The following QRICH2 variants were observed in gnomAD, a reference collection of about 807,000 sequenced individuals.
The protein encoded by QRICH2 is glutamine-rich protein 2.
In QRICH2, 119 loss-of-function variants were observed where a neutral mutation model predicts 168.3. That is an observed-to-expected ratio of 0.71 (90% CI 0.61 to 0.82). The LOEUF (loss-of-function observed/expected upper bound fraction) is 0.82, where lower values mean the gene tolerates loss of function less well. Ranked by LOEUF, QRICH2 falls within the 40% of genes least tolerant of loss-of-function variation. The probability of loss-of-function intolerance (pLI) is 0.00; values close to 1 mark genes in which losing one functional copy is unlikely to be tolerated. For missense variants in QRICH2, 2,241 were observed against 2,491.6 expected, an observed-to-expected ratio of 0.90 and a Z score of 2.14; for synonymous variants, 894 against 951.2, an observed-to-expected ratio of 0.94 and a Z score of 1.11.
intron 15 of QRICH2, 93 bp from the exon 16 acceptor site, chr17:76,277,403 G>T: frequency 1.4e-6 from 2 of 1,432,472 alleles, no homozygotes; most frequent in Non-Finnish European, 1.9e-6. Flanking sequence ...GAGGGAAGGG[G>T]CACAGCTTCT....
chr17:76,278,284 GCAGGACC>G (rs1220968280), intron 14 of QRICH2, 95 bp from the exon 15 acceptor site: 1 of 1,270,206 alleles, frequency 7.9e-7, no homozygotes, highest in Non-Finnish European at 1.1e-6. Flanking sequence ...TCCCTTTTGT[GCAGGACC>G]CAGCTAGGCT....
chr17:76,275,389 G>GC (rs1309560205), intron 18 of QRICH2, among the ~76,000 whole-genome samples: 2 of 152,152 alleles, frequency 1.3e-5, no homozygotes, highest in African/African-American at 2.4e-5. Flanking sequence ...CTCCTGCGGA[G>GC]ATCAAGGACC....
Position 76,307,686 on chromosome 17 carries a change from C to T in QRICH2, c.313G>A (p.Asp105Asn). 1 of 1,450,904 alleles carries T rather than the reference C, an allele frequency of 6.9e-7. No homozygotes were observed. The highest frequency in any genetic ancestry group is 9.1e-7 in the Non-Finnish European group (1 of 1,100,594). 89.9% of individuals were successfully genotyped at this position (1,450,904 alleles called of 1,614,324 possible). Residue 105 changes from aspartate (D) to asparagine (N), a missense_variant, in exon 1 of 19, where the codon GAC becomes AAC. By Grantham distance (23) the Asp-to-Asn change is conservative. Around this residue, in one of 3 missense-constraint regions of QRICH2, gnomAD observed 2,047 missense variants for 2,303.8 expected, o/e 0.89. Coordinates refer to ENST00000680821, the MANE Select transcript of QRICH2 (RefSeq NM_001388453.1). The surrounding 1 kb of genome is among the most constrained non-coding windows in gnomAD (Gnocchi z 5.3). ...PSSALESQVK[D>N]LGGQVEDLSK... ...AGGTCCTCCACCTGGCCGCCCAGGTCCTTCACTTGGCTCTCCAGCGCTGAC... is the reference window on the plus strand; with the variant it reads ...AGGTCCTCCACCTGGCCGCCCAGGTTCTTCACTTGGCTCTCCAGCGCTGAC...
intron 1 of QRICH2, among the ~76,000 whole-genome samples, chr17:76,306,529 G>A (rs1483670425): frequency 6.6e-6 from 1 of 152,168 alleles, no homozygotes; most frequent in East Asian, 1.9e-4. Flanking sequence ...GTTGCTTCCT[G>A]CTGTTCACTG....
chr17:76,293,158 A>G lies in QRICH2; in HGVS notation c.1569T>C (p.His523=). 6.2e-7 allele frequency: 1 copy of G among 1,614,238 alleles called. No individual in the cohort carries two copies. The highest frequency in any genetic ancestry group is 8.5e-7 in the Non-Finnish European group (1 of 1,180,032). The change falls in exon 4 of 19, where the codon CAT becomes CAC. Residue 523 remains histidine, a synonymous_variant. Coordinates refer to ENST00000680821, the MANE Select transcript of QRICH2 (RefSeq NM_001388453.1). The part of the protein sequence containing the change: ...QGLTLPVVDQ[H]GLVLPFTDQH... ...GGTCTGTAAAAGGTAGAACCAGGCCATGTTGATCGACGACAGGCAATGTCA... is the reference window on the plus strand; with the variant it reads ...GGTCTGTAAAAGGTAGAACCAGGCCGTGTTGATCGACGACAGGCAATGTCA...
intron 15 of QRICH2, among the ~76,000 whole-genome samples, chr17:76,277,679 C>T (rs549182591): frequency 4.5e-4 from 68 of 152,034 alleles, no homozygotes; most frequent in African/African-American, 1.6e-3. Context: ...CACACGTACT[C>T]ATACACACGT....
In QRICH2 at chr17:76,304,896, G is replaced by C. The variant is rs774220097; in HGVS notation, c.580C>G (p.Arg194Gly). 12 of 1,612,810 alleles carry C rather than the reference G, an allele frequency of 7.4e-6. No homozygotes were observed. In the Admixed American group the frequency reaches 1.5e-4, roughly 20 times the overall value. Reference protein sequence around the residue: ...VDELEKLFKDREQFLELVSRK... With the variant: ...VDELEKLFKDGEQFLELVSRK... ...GCTGGTATTACCAGGAATTGCTCCC[G>C]ATCTTTGAATAGCTTCTCTAGTTCA... Residue 194 changes from arginine (R) to glycine (G), a missense_variant, in exon 2 of 19, where the codon CGG becomes GGG. Physicochemically the swap from Arg to Gly is moderately radical, Grantham distance 125. This residue lies in a region of QRICH2 where 2,047 missense variants were observed against 2,303.8 expected (regional missense o/e 0.89). Coordinates refer to ENST00000680821, the MANE Select transcript of QRICH2 (RefSeq NM_001388453.1).
Position 76,275,854 on chromosome 17 carries a change from G to A in QRICH2, c.5447C>T (p.Pro1816Leu). ...LSSNGQLPSR[P>L]QSAQISAGNT... ...GCCAGCCGAAATCTGGGCGCTCTGT[G>A]GCCGAGAGGGCAGCTGGCCATTGCT... Residue 1816 changes from proline (P) to leucine (L), a missense_variant, in exon 18 of 19, where the codon CCA becomes CTA. This residue lies in a region of QRICH2 where 189 missense variants were observed against 169.3 expected (regional missense o/e 1.12). Transcript: ENST00000680821. 1 of 1,607,736 alleles carries A rather than the reference G, an allele frequency of 6.2e-7. No individual in the cohort carries two copies. The highest frequency in any genetic ancestry group is 8.5e-7 in the Non-Finnish European group (1 of 1,179,910).
Position 76,292,071 on chromosome 17 carries a change from T to C in QRICH2, c.2656A>G (p.Met886Val), listed in dbSNP as rs768074423. The change falls in exon 4 of 19, where the codon ATG (methionine) becomes GTG (valine). Residue 886 changes from methionine to valine, a missense_variant. By Grantham distance (21) the Met-to-Val change is conservative. Around this residue, in one of 3 missense-constraint regions of QRICH2, gnomAD observed 2,047 missense variants for 2,303.8 expected, o/e 0.89. Coordinates refer to ENST00000680821, the MANE Select transcript of QRICH2 (RefSeq NM_001388453.1). The part of the protein sequence containing the change: ...VDQRGLVQPG[M>V]DQRGLIQPGA... ...GGTTGGATCAAACCACGCTGGTCCA[T>C]TCCAGGTTGGACCAAACCACGCTGA... The C allele has an allele frequency of 1.9e-5, 31 of 1,605,510 alleles. No individual in the cohort carries two copies. Among genetic ancestry groups the C allele is most frequent in the African/African-American group, 8.4e-5 (6 of 71,854 alleles).
Position 76,279,949 on chromosome 17 carries a change from CT to C in QRICH2, c.4748+83del. 8 of 1,464,856 alleles carry C rather than the reference CT, an allele frequency of 5.5e-6. No individual in the cohort carries two copies. The South Asian group carries it at 9.3e-5, about 17-fold the overall frequency. The allele number at this position is 1,464,856 out of a possible 1,614,324, so 90.7% of individuals were successfully genotyped here. Reference sequence around the variant, plus strand: ...AGGATCCGCTGTGTGCTGGCAGGAGCTGTTTGTCTGGAGACCCCCAGCCCCC... The same window carrying C: ...AGGATCCGCTGTGTGCTGGCAGGAGCGTTTGTCTGGAGACCCCCAGCCCCC... On this transcript the variant is annotated intron_variant, in intron 12 of 18. Transcript: ENST00000680821.
rs149958304 is a variant in QRICH2 at position 76,277,203 on chromosome 17, C to T, written c.5225G>A (p.Arg1742Gln). The T allele has an allele frequency of 9.2e-5, 147 of 1,602,794 alleles. No homozygotes were observed. In the Admixed American group the frequency reaches 1.1e-3, roughly 12 times the overall value. The part of the protein sequence containing the change: ...YHRSRPQHLP[R>Q]GLYPTEEIQI... ...GATCTCTTCAGTAGGATACAGGCCC[C>T]GGGGAAGGTGCTGCGGGCGGCTGCG... is the stretch of plus-strand genomic sequence containing the variant. The change falls in exon 16 of 19, where the codon CGG (arginine) becomes CAG (glutamine). Residue 1742 changes from arginine to glutamine, a missense_variant. Physicochemically the swap from Arg to Gln is conservative, Grantham distance 43. Coordinates refer to ENST00000680821, the MANE Select transcript of QRICH2 (RefSeq NM_001388453.1).
intron 3 of QRICH2, 33 bp downstream of exon 3, chr17:76,304,382 C>G (rs750362462): frequency 6.8e-7 from 1 of 1,480,548 alleles, no homozygotes; most frequent in South Asian, 1.1e-5. Context: ...GGAGCCCCAC[C>G]CAAGACCACG....
At position 76,281,965 on chromosome 17, in the gene QRICH2, G is replaced by A; in HGVS notation, c.4162C>T (p.His1388Tyr). ...TCPACSLDVS[H>Y]QVSTLVRRYE... ...CGCCGCACCAGCGTGCTGACCTGAT[G>A]GCTCACATCCAGGCTGCAGGCTGGA... Residue 1388 changes from histidine (H) to tyrosine (Y), a missense_variant, in exon 8 of 19, where the codon CAT becomes TAT. His to Tyr is a moderately conservative substitution (Grantham distance 83). Around this residue, in one of 3 missense-constraint regions of QRICH2, gnomAD observed 2,047 missense variants for 2,303.8 expected, o/e 0.89. Coordinates refer to ENST00000680821, the MANE Select transcript of QRICH2 (RefSeq NM_001388453.1). The surrounding 1 kb of genome is among the most constrained non-coding windows in gnomAD (Gnocchi z 4.4). 1 of 1,613,842 alleles carries A rather than the reference G, an allele frequency of 6.2e-7. No homozygotes were observed. The highest frequency in any genetic ancestry group is 8.5e-7 in the Non-Finnish European group (1 of 1,179,960).
At chr17:76,276,033 GGGCTGCTGGTCAT>G (rs1379179760) in intron 17 of QRICH2, 86 bp from the exon 18 acceptor site, 1 of 1,522,124 alleles carries the variant, frequency 6.6e-7, no homozygotes, top group East Asian at 2.3e-5. Context: ...GAGGGCCGCA[GGGCTGCTGGTCAT>G]GGCCGGCCTC....
chr17:76,304,152 G>A (rs1308071893), intron 3 of QRICH2, among the ~76,000 whole-genome samples: 1 of 152,130 alleles, frequency 6.6e-6, no homozygotes, highest in Non-Finnish European at 1.5e-5. Context: ...TGATGGTGGG[G>A]GTCTACACTG....
upstream of QRICH2, chr17:76,310,691 A>G (rs2071061841): frequency 6.7e-6 from 1 of 150,238 alleles, no homozygotes; most frequent in Admixed American, 6.7e-5. Context: ...CTGGTCTGAA[A>G]CTCCTGGGCT....
rs780158707 is a variant in QRICH2, at chr17:76,278,077, T to A, written c.5029A>T (p.Ile1677Phe). The A allele has an allele frequency of 1.2e-6, 2 of 1,613,928 alleles. No individual in the cohort carries two copies. The highest frequency in any genetic ancestry group is 1.7e-6 in the Non-Finnish European group (2 of 1,180,032). Reference sequence around the variant, plus strand: ...GCCTTGGTGGAGCCCCCGAAGTGGATCTGCACCTTCTCAATGTTCATCAGC... The same window carrying A: ...GCCTTGGTGGAGCCCCCGAAGTGGAACTGCACCTTCTCAATGTTCATCAGC... ...KMLMNIEKVQ[I>F]HFGGSTKASS... The change falls in exon 15 of 19, where the codon ATC becomes TTC. Residue 1677 changes from isoleucine to phenylalanine, a missense_variant. By Grantham distance (21) the Ile-to-Phe change is conservative (BLOSUM62 0). Transcript: ENST00000680821.
Position 76,275,862 on chromosome 17 carries a change from G to T in QRICH2, c.5439C>A (p.Pro1813=). The part of the protein sequence containing the change: ...PPSLSSNGQL[P]SRPQSAQISA... ...AAATCTGGGCGCTCTGTGGCCGAGAGGGCAGCTGGCCATTGCTGCTGAGGG... is the reference window on the plus strand; with the variant it reads ...AAATCTGGGCGCTCTGTGGCCGAGATGGCAGCTGGCCATTGCTGCTGAGGG... Residue 1813 remains proline (P), a synonymous_variant, in exon 18 of 19, where the codon CCC becomes CCA. Coordinates refer to ENST00000680821, the MANE Select transcript of QRICH2 (RefSeq NM_001388453.1). 6.2e-7 allele frequency: 1 copy of T among 1,608,210 alleles called. No individual in the cohort carries two copies.
intron 5 of QRICH2, among the ~76,000 whole-genome samples, chr17:76,289,527 AC>A (rs1205476068): frequency 6.6e-6 from 1 of 152,198 alleles, no homozygotes; most frequent in Admixed American, 6.5e-5. Context: ...ACACGATGAT[AC>A]CCAAGGTGCA....
Sources: allele counts gnomAD v4.1 joint callset (sites outside exome capture counted in the v4.1 genomes callset), GRCh38; gene constraint gnomAD v4.1.1; regional missense constraint gnomAD v4.1.1; non-coding constraint Gnocchi (gnomAD v3.1); transcripts MANE v1.5; gene names NCBI Gene and HGNC (gene_info 2026-07-23, HGNC 2026-07-21).